The following SORCS2 variants were observed in gnomAD, a reference collection of about 807,000 sequenced individuals.
SORCS2 encodes the protein sortilin related VPS10 domain containing receptor 2, also known as VPS10 domain-containing receptor SorCS2.
A neutral mutation model predicts 141.6 loss-of-function variants in SORCS2; 100 were observed. The observed-to-expected ratio is 0.71, with a 90% CI of 0.60 to 0.83. The LOEUF is 0.83. Ranked by LOEUF, SORCS2 falls within the 40% of genes least tolerant of loss-of-function variation. SORCS2 has a pLI of 0.00. For synonymous variants in SORCS2, 789 were observed against 676.9 expected (o/e 1.17, Z -2.57); for missense variants, 1,646 against 1,560.2 (o/e 1.05, Z -0.93).
intron 3 of SORCS2, among the ~76,000 whole-genome samples, chr4:7,531,960 T>C (rs1286063327): frequency 6.6e-6 from 1 of 152,272 alleles, no homozygotes; most frequent in Non-Finnish European, 1.5e-5. Context: ...AGCAGCTCTC[T>C]TGGGCTGGGA....
chr4:7,507,415 C>T (rs1419400829), intron 2 of SORCS2, among the ~76,000 whole-genome samples: 2 of 152,164 alleles, frequency 1.3e-5, no homozygotes, highest in Non-Finnish European at 2.9e-5. Flanking sequence ...CCTCCTGGGT[C>T]CGCCCCCCTC....
intron 3 of SORCS2, among the ~76,000 whole-genome samples, chr4:7,570,224 G>A (rs1302525529): frequency 6.6e-6 from 1 of 152,224 alleles, no homozygotes; most frequent in Non-Finnish European, 1.5e-5. Flanking sequence ...CTGCTGTGGA[G>A]TTCCGATTTA....
intron 3 of SORCS2, among the ~76,000 whole-genome samples, chr4:7,535,117 C>A (rs189950403): frequency 6.6e-6 from 1 of 152,326 alleles, no homozygotes; most frequent in East Asian, 1.9e-4. Context: ...GGCTGGGCTT[C>A]TGGGTGCCCC....
intron 10 of SORCS2, 138 bp downstream of exon 10, chr4:7,683,027 G>C (rs1461941890): frequency 9.1e-7 from 1 of 1,104,054 alleles, no homozygotes; most frequent in Non-Finnish European, 1.3e-6. Context: ...TGCTGGGTGT[G>C]GTAGAGAGGG....
At chr4:7,518,583 C>A (rs1394791021) in intron 2 of SORCS2, among the ~76,000 whole-genome samples, 2 of 152,174 alleles carry the variant, frequency 1.3e-5, no homozygotes, top group African/African-American at 2.4e-5. Flanking sequence ...GGTTTCCATC[C>A]TCCCAAATAG....
intron 1 of SORCS2, among the ~76,000 whole-genome samples, chr4:7,351,117 C>G (rs1199168636): frequency 1.3e-5 from 2 of 152,224 alleles, no homozygotes; most frequent in African/African-American, 4.8e-5. Context: ...TACACGCCCC[C>G]CCACTTAGCC....
At chr4:7,349,477 T>A (rs1164398281) in intron 1 of SORCS2, among the ~76,000 whole-genome samples, 2 of 151,870 alleles carry the variant, frequency 1.3e-5, no homozygotes, top group South Asian at 4.2e-4. Context: ...CCCCAGGCCC[T>A]GGAGAGGCCC....
At chr4:7,406,172 A>G (rs1056688631) in intron 2 of SORCS2, among the ~76,000 whole-genome samples, 4 of 148,792 alleles carry the variant, frequency 2.7e-5, no homozygotes, top group African/African-American at 9.8e-5. Context: ...TTGTTGGATC[A>G]TTATTCATAT....
At chr4:7,516,169 G>A (rs961080665) in intron 2 of SORCS2, among the ~76,000 whole-genome samples, 7 of 152,188 alleles carry the variant, frequency 4.6e-5, no homozygotes, top group African/African-American at 1.7e-4. Context: ...CTGGTCAGAT[G>A]CAGTCCTGGT....
At chr4:7,465,214 G>T (rs939744401) in intron 2 of SORCS2, among the ~76,000 whole-genome samples, 7 of 152,230 alleles carry the variant, frequency 4.6e-5, no homozygotes, top group Admixed American at 6.5e-5. Flanking sequence ...CTGCTCCATG[G>T]CAACATTCTC....
chr4:7,722,747 G>C (rs1726676900), intron 18 of SORCS2, among the ~76,000 whole-genome samples: 1 of 152,196 alleles, frequency 6.6e-6, no homozygotes, highest in African/African-American at 2.4e-5. Flanking sequence ...CGTGAATTTT[G>C]GGGAGACACT....
chr4:7,352,875 T>C (rs918533765), intron 1 of SORCS2, among the ~76,000 whole-genome samples: 2 of 152,146 alleles, frequency 1.3e-5, no homozygotes, highest in African/African-American at 4.8e-5. Flanking sequence ...CTGACCCCCA[T>C]GTAGGTGGCT....
chr4:7,722,641 A>G (rs1482431739), intron 18 of SORCS2, among the ~76,000 whole-genome samples: 2 of 152,106 alleles, frequency 1.3e-5, no homozygotes, highest in Non-Finnish European at 1.5e-5. Flanking sequence ...CACTGGATTT[A>G]GGGCCCACCC....
intron 2 of SORCS2, among the ~76,000 whole-genome samples, chr4:7,441,311 C>CG (rs989981583): frequency 6.6e-6 from 1 of 152,102 alleles, no homozygotes; most frequent in African/African-American, 2.4e-5. Context: ...AGGCCAGGGT[C>CG]GGGGCTGCTT....
At position 7,201,277 on chromosome 4, in the gene SORCS2, C is replaced by T. The variant is rs528863720; in HGVS notation, c.480+8151C>T. Among the ~76,000 whole-genome samples the T allele has an allele frequency of 1.1e-4, 17 of 152,176 alleles. No individual in the cohort carries two copies. The highest frequency in any genetic ancestry group is 3.9e-4 in the East Asian group (2 of 5,194). ...CTCATGGGCACAGGAGAGACTCGTG[C>T]GTTGATCAAGAAGCCTGGCTCGAAG... On this transcript the variant is annotated intron_variant, in intron 1 of 26. Coordinates refer to ENST00000507866, the MANE Select transcript of SORCS2 (RefSeq NM_020777.3). This position sits in a 1 kb window ranked among gnomAD's most constrained non-coding sequence, Gnocchi z 4.4.
chr4:7,718,363 G>A (rs1726344318), intron 18 of SORCS2, among the ~76,000 whole-genome samples, 180 bp downstream of exon 18: 1 of 152,132 alleles, frequency 6.6e-6, no homozygotes, highest in African/African-American at 2.4e-5. Context: ...TTCCCGAGTC[G>A]AGACCAGCAT....
chr4:7,574,395 T>C (rs1715607886), intron 3 of SORCS2, among the ~76,000 whole-genome samples: 1 of 152,034 alleles, frequency 6.6e-6, no homozygotes, highest in Non-Finnish European at 1.5e-5. Flanking sequence ...AAACAGGGAG[T>C]TGTTTACAGC....
intron 1 of SORCS2, among the ~76,000 whole-genome samples, chr4:7,248,071 C>G (rs28595860): frequency 6.6e-6 from 1 of 152,204 alleles, no homozygotes; most frequent in East Asian, 1.9e-4. Flanking sequence ...CACACAGCCC[C>G]GGGGGCCATG....
At position 7,609,286 on chromosome 4, in the gene SORCS2, T is replaced by G. The variant is rs534063315; in HGVS notation, c.649-29042T>G. Among the ~76,000 whole-genome samples, 5 of 152,332 alleles carry G rather than the reference T, an allele frequency of 3.3e-5. No individual in the cohort carries two copies. The South Asian group carries it at 1.0e-3, about 32-fold the overall frequency. ...AAAGGAATACATTGGTTAAAATCTT[T>G]CAGTGCCTTACATACAGTAAATTCT... On this transcript the variant is annotated intron_variant, in intron 3 of 26. Transcript: ENST00000507866.
Sources: gnomAD v4.1 joint callset for allele counts (sites outside exome capture counted in the v4.1 genomes callset) on GRCh38, gnomAD v4.1.1 for gene constraint, Gnocchi (gnomAD v3.1) non-coding constraint, MANE v1.5 for transcripts, NCBI Gene and HGNC (gene_info 2026-07-23, HGNC 2026-07-21) for gene names.